The following TANC2 variants were observed in gnomAD, a reference collection of about 807,000 sequenced individuals.
TANC2 encodes tetratricopeptide repeat, ankyrin repeat and coiled-coil containing 2.
TANC2 carries 26 observed loss-of-function variants against 210.5 expected under a neutral mutation model. The ratio of observed to expected loss-of-function variants is 0.12; its 90% CI spans 0.09 to 0.17. TANC2 has a LOEUF of 0.17. Ranked by LOEUF, TANC2 falls within the 10% of genes least tolerant of loss-of-function variation. The pLI is 1.00. For missense variants in TANC2, 2,129 were observed against 2,608.9 expected (o/e 0.82, Z 4.01); for synonymous variants, 931 against 967.1 (o/e 0.96, Z 0.69).
chr17:63,340,117 A>G lies in TANC2; in HGVS notation c.1592A>G (p.Tyr531Cys), dbSNP rs745539155. The change falls in exon 12 of 28, where the codon TAT (tyrosine) becomes TGT (cysteine). Residue 531 changes from tyrosine (Y) to cysteine (C), a missense_variant. Physicochemically the swap from Tyr to Cys is radical, Grantham distance 194 (BLOSUM62 -2). Coordinates refer to ENST00000689528, the Ensembl canonical transcript of TANC2. ...CTTTTGCAGGTGGTTGCCTATCACT[A>G]TTGTCAAGCAGATAATGCCTACACT... 2.0e-5 allele frequency: 33 copies of G among 1,613,584 alleles called. No homozygotes were observed. The highest frequency in any genetic ancestry group is 2.2e-5 in the South Asian group (2 of 91,082).
intron 7 of TANC2, among the ~76,000 whole-genome samples, chr17:63,216,050 C>CTATTT (rs2042018105): frequency 1.3e-5 from 2 of 151,512 alleles, no homozygotes; most frequent in Non-Finnish European, 1.5e-5. Flanking sequence ...CGCTCCTGGC[C>CTATTT]TATTTTATTT....
At chr17:62,979,659 T>C (rs908548155) in intron 1 of TANC2, among the ~76,000 whole-genome samples, 1 of 152,174 alleles carries the variant, frequency 6.6e-6, no homozygotes, top group Non-Finnish European at 1.5e-5. Flanking sequence ...CCTTTAGTAA[T>C]CCTAGTATTG....
At chr17:63,032,315 C>T (rs1364209831) in intron 2 of TANC2, among the ~76,000 whole-genome samples, 1 of 152,104 alleles carries the variant, frequency 6.6e-6, no homozygotes, top group Non-Finnish European at 1.5e-5. Context: ...ACACTTTGGA[C>T]TAGGGTGTGG....
intron 7 of TANC2, among the ~76,000 whole-genome samples, chr17:63,209,358 T>TTGAA (rs1254549444): frequency 6.6e-6 from 1 of 151,684 alleles, no homozygotes; most frequent in Admixed American, 6.6e-5. Flanking sequence ...CTCTGGCACA[T>TTGAA]TGAATTATAG....
At position 63,185,600 on chromosome 17, in the gene TANC2, A is replaced by T. The variant is rs144336671; in HGVS notation, c.434-8391A>T. On this transcript the variant is annotated intron_variant, in intron 5 of 27. Transcript: ENST00000689528. ...ATGCCAAACCTTTTATCCAAATTTG[A>T]TGCTACCAGTTTACATTCCCATCAG... 1.2e-3 allele frequency among the ~76,000 whole-genome samples: 181 copies of T among 152,236 alleles called. 2 individuals are homozygous for T. In the East Asian group the frequency reaches 0.013, roughly 11 times the overall value.
At chr17:63,411,971 A>G (rs2048717628) in intron 22 of TANC2, 27 bp from the exon 23 acceptor site, 1 of 1,613,326 alleles carries the variant, frequency 6.2e-7, no homozygotes, top group Middle Eastern at 1.7e-4. Flanking sequence ...CGCCTGTCCT[A>G]ACTTCTCTGC....
chr17:63,340,263 T>C, exon 12 of TANC2: 3 of 1,613,970 alleles, frequency 1.9e-6, no homozygotes, highest in Non-Finnish European at 2.5e-6. Flanking sequence ...GAGCCTTCGT[T>C]CCTGTGTTCA....
At chr17:63,419,936 C>T in intron 27 of TANC2, 63 bp from the exon 28 acceptor site, 2 of 1,470,252 alleles carry the variant, frequency 1.4e-6, no homozygotes, top group Non-Finnish European at 9.0e-7. Context: ...ATGTTCTCAG[C>T]TCTTGGTGAT....
chr17:63,421,187 G>A lies in TANC2; in HGVS notation c.5457G>A (p.Leu1819=), dbSNP rs369119572. 4.3e-6 allele frequency: 7 copies of A among 1,613,978 alleles called. No homozygotes were observed. The highest frequency in any genetic ancestry group is 4.5e-5 in the East Asian group (2 of 44,882). Residue 1819 remains leucine, a synonymous_variant, in exon 28 of 28, where the codon CTG becomes CTA. Coordinates refer to ENST00000689528, the Ensembl canonical transcript of TANC2. The surrounding 1 kb of genome is among the most constrained non-coding windows in gnomAD (Gnocchi z 6.9). ...CAGTCTGTCACTCAAAACTAGATCT[G>A]GAGCGCTCCTCCAGCCAACTAGGTT...
chr17:63,048,675 TCA>T (rs2035469307), intron 2 of TANC2, among the ~76,000 whole-genome samples: 1 of 152,150 alleles, frequency 6.6e-6, no homozygotes, highest in Non-Finnish European at 1.5e-5. Flanking sequence ...GCCATTATCC[TCA>T]GCAAACTGAT....
intron 15 of TANC2, among the ~76,000 whole-genome samples, chr17:63,383,962 G>A (rs1405343756): frequency 6.6e-6 from 1 of 152,192 alleles, no homozygotes; most frequent in Non-Finnish European, 1.5e-5. Flanking sequence ...TTTAAAGATG[G>A]CAGTATAGCA....
chr17:63,308,244 T>C (rs2044992735), intron 9 of TANC2, among the ~76,000 whole-genome samples: 1 of 152,196 alleles, frequency 6.6e-6, no homozygotes, highest in Non-Finnish European at 1.5e-5. Flanking sequence ...TCCCTTAGAC[T>C]TGAAACTGGA....
chr17:63,426,489 A>G (rs2147467867), exon 28 of TANC2: 1 of 152,334 alleles, frequency 6.6e-6, no homozygotes, highest in South Asian at 2.1e-4. Context: ...CAGACCACTC[A>G]AGGGCTGAAG....
intron 4 of TANC2, among the ~76,000 whole-genome samples, chr17:63,102,228 T>A (rs1191767872): frequency 1.3e-5 from 2 of 151,990 alleles, no homozygotes. Flanking sequence ...GGAGTGTTGC[T>A]TGAGCCCAGG....
At chr17:63,209,422 G>GTTTGTTTGTTTGT (rs1052428848) in intron 7 of TANC2, among the ~76,000 whole-genome samples, 1 of 151,424 alleles carries the variant, frequency 6.6e-6, no homozygotes, top group African/African-American at 2.4e-5. Context: ...AATCCTTTTT[G>GTTTGTTTGTTTGT]TTTGTTTGTT....
intron 9 of TANC2, among the ~76,000 whole-genome samples, chr17:63,308,685 C>T (rs887255010): frequency 6.6e-6 from 1 of 152,008 alleles, no homozygotes; most frequent in African/African-American, 2.4e-5. Context: ...AGAGAGATAG[C>T]CAGGACATAT....
chr17:63,324,494 CAT>C (rs906551819), intron 11 of TANC2, among the ~76,000 whole-genome samples: 4 of 152,144 alleles, frequency 2.6e-5, no homozygotes, highest in East Asian at 1.9e-4. Flanking sequence ...CACACACACA[CAT>C]ACATACACAG....
chr17:63,135,966 A>T (rs1392747368), intron 4 of TANC2, among the ~76,000 whole-genome samples: 1 of 152,184 alleles, frequency 6.6e-6, no homozygotes, highest in Admixed American at 6.5e-5. Context: ...TGATTTGTAT[A>T]TGCAAAAATA....
intron 9 of TANC2, among the ~76,000 whole-genome samples, chr17:63,307,013 A>G (rs566021703): frequency 2.6e-4 from 40 of 152,328 alleles, no homozygotes; most frequent in African/African-American, 9.4e-4. Flanking sequence ...CCCCGCTAAC[A>G]TAGTAGCATT....
Sources: gnomAD v4.1 joint callset for allele counts (sites outside exome capture counted in the v4.1 genomes callset) on GRCh38, gnomAD v4.1.1 for gene constraint, Gnocchi (gnomAD v3.1) non-coding constraint, MANE v1.5 for transcripts, NCBI Gene and HGNC (gene_info 2026-07-23, HGNC 2026-07-21) for gene names.